The following MEF2C variants were observed in gnomAD, a reference collection of about 807,000 sequenced individuals.
MEF2C encodes myocyte enhancer factor 2C, also known as myocyte-specific enhancer factor 2C.
A neutral mutation model predicts 50.5 loss-of-function variants in MEF2C; 6 were observed. The ratio of observed to expected loss-of-function variants is 0.12; its 90% CI spans 0.07 to 0.23. The LOEUF (loss-of-function observed/expected upper bound fraction) is 0.23, where lower values mean the gene tolerates loss of function less well. Among genes scored for constraint, MEF2C ranks in the 10% least tolerant of loss-of-function variants. The pLI, the probability that MEF2C is intolerant of heterozygous loss-of-function variation, is 1.00. For synonymous variants in MEF2C, 183 were observed against 228.0 expected (o/e 0.80, Z 1.78); for missense variants, 276 against 605.0 (o/e 0.46, Z 5.70).
At chr5:88,768,911 C>G (rs1221285676) in intron 3 of MEF2C, among the ~76,000 whole-genome samples, 1 of 152,124 alleles carries the variant, frequency 6.6e-6, no homozygotes, top group Non-Finnish European at 1.5e-5. Flanking sequence ...AACATTATAA[C>G]TCACAAATTT....
At chr5:88,733,917 T>C (rs1317843164) in intron 6 of MEF2C, 2 of 985,292 alleles carry the variant, frequency 2.0e-6, no homozygotes, top group Non-Finnish European at 2.4e-6. Context: ...CCAAATTCTC[T>C]AAAGCTAGAT....
intron 2 of MEF2C, among the ~76,000 whole-genome samples, chr5:88,806,010 A>G (rs1800292460): frequency 6.6e-6 from 1 of 151,562 alleles, no homozygotes; most frequent in Admixed American, 6.6e-5. Flanking sequence ...AAAAAGAGGC[A>G]CATTGGTATA....
intron 1 of MEF2C, among the ~76,000 whole-genome samples, chr5:88,866,944 G>T (rs1000780419): frequency 5.3e-5 from 8 of 152,118 alleles, no homozygotes; most frequent in African/African-American, 1.7e-4. Context: ...GCAAATGAAG[G>T]TTAAAAATTA....
At chr5:88,804,926 A>G (rs1799760815) in intron 2 of MEF2C, 125 bp from the exon 3 acceptor site, 1 of 660,278 alleles carries the variant, frequency 1.5e-6, no homozygotes, top group East Asian at 2.7e-5. Context: ...GGGCACTAAC[A>G]CATTCAGAAA....
At chr5:88,771,899 G>C (rs985799175) in intron 3 of MEF2C, 1 of 152,308 alleles carries the variant, frequency 6.6e-6, no homozygotes, top group Non-Finnish European at 1.5e-5. Context: ...ACAGACTATT[G>C]TAACTGGTTC....
Position 88,868,032 on chromosome 5 carries a change from G to A in MEF2C, c.-143+14923C>T, listed in dbSNP as rs180742178. Among the ~76,000 whole-genome samples the A allele has an allele frequency of 1.6e-4, 25 of 152,210 alleles. No homozygotes were observed. In the South Asian group the frequency reaches 3.9e-3, roughly 24 times the overall value. On this transcript the variant is annotated intron_variant, in intron 1 of 10. Transcript: ENST00000504921. ...CAAAAAGACCTATGACTAAGCAAAC[G>A]CAAAGAAAGAATTACCTCCCAACCA...
chr5:88,819,400 A>T, intron 2 of MEF2C: 1 of 984,848 alleles, frequency 1.0e-6, no homozygotes, highest in Non-Finnish European at 1.2e-6. Context: ...AAGCTTTGCG[A>T]TATCTGGGTC....
chr5:88,813,967 G>T (rs1236949641), intron 2 of MEF2C, among the ~76,000 whole-genome samples: 2 of 151,840 alleles, frequency 1.3e-5, no homozygotes, highest in Admixed American at 6.6e-5. Context: ...CCCCCACCTA[G>T]ATAATCTCTC....
chr5:88,831,054 G>A (rs868153759), intron 1 of MEF2C, among the ~76,000 whole-genome samples: 2 of 152,044 alleles, frequency 1.3e-5, no homozygotes, highest in Middle Eastern at 3.4e-3. Context: ...AAATTCCCAG[G>A]CATCTCATGA....
intron 1 of MEF2C, among the ~76,000 whole-genome samples, chr5:88,893,743 A>G (rs2150256863): frequency 6.8e-6 from 1 of 147,824 alleles, no homozygotes; most frequent in East Asian, 2.0e-4. Context: ...TCAATATTCT[A>G]ATTTCTTAGG....
At chr5:88,733,794 T>C (rs1431683037) in intron 6 of MEF2C, 2 of 985,272 alleles carry the variant, frequency 2.0e-6, no homozygotes, top group Non-Finnish European at 2.4e-6. Flanking sequence ...AAAACAAAAA[T>C]AAAGCAAACT....
At chr5:88,773,773 C>T (rs1783503319) in intron 3 of MEF2C, among the ~76,000 whole-genome samples, 1 of 152,210 alleles carries the variant, frequency 6.6e-6, no homozygotes, top group Admixed American at 6.5e-5. Context: ...AAACCTCTCT[C>T]GCGTTTTAGT....
At chr5:88,881,378 C>T (rs930405425) in intron 1 of MEF2C, 5 of 152,134 alleles carry the variant, frequency 3.3e-5, no homozygotes, top group African/African-American at 1.2e-4. Flanking sequence ...TTCATGCATA[C>T]ACTGGAAGAC....
At chr5:88,886,085 A>C (rs936319057), upstream of MEF2C, among the ~76,000 whole-genome samples, 1 of 152,214 alleles carries the variant, frequency 6.6e-6, no homozygotes, top group Admixed American at 6.5e-5. Flanking sequence ...GCCTTTTAAA[A>C]TACAGGATTT....
At chr5:88,888,756 G>T in intron 1 of MEF2C, 1 of 148,128 alleles carries the variant, frequency 6.8e-6, no homozygotes, top group South Asian at 2.1e-4. Flanking sequence ...TACAAATTAT[G>T]ATACATTTCT....
intron 2 of MEF2C, chr5:88,819,304 G>T: frequency 1.0e-6 from 1 of 974,430 alleles, no homozygotes; most frequent in Non-Finnish European, 1.2e-6. Context: ...TGTTGAATAT[G>T]AGAGATCCGG....
At chr5:88,836,915 C>T (rs1229897627) in intron 1 of MEF2C, among the ~76,000 whole-genome samples, 1 of 147,214 alleles carries the variant, frequency 6.8e-6, no homozygotes, top group Non-Finnish European at 1.5e-5. Flanking sequence ...CTTTCCTTTC[C>T]TTAGAGATCC....
At chr5:88,799,185 C>T (rs772405724) in intron 3 of MEF2C, among the ~76,000 whole-genome samples, 2 of 152,174 alleles carry the variant, frequency 1.3e-5, no homozygotes, top group Non-Finnish European at 2.9e-5. Context: ...CTGGGAGATC[C>T]GCTGCTCTCT....
chr5:88,754,505 T>C (rs1468930706), intron 4 of MEF2C, among the ~76,000 whole-genome samples: 1 of 152,198 alleles, frequency 6.6e-6, no homozygotes. Flanking sequence ...CCTTGGGCCA[T>C]AATAGTAACT....
Sources: gnomAD v4.1 joint callset for allele counts (sites outside exome capture counted in the v4.1 genomes callset) on GRCh38, gnomAD v4.1.1 for gene constraint, MANE v1.5 for transcripts, NCBI Gene and HGNC (gene_info 2026-07-23, HGNC 2026-07-21) for gene names.